The following KHDRBS2 variants were observed in gnomAD, a reference collection of about 807,000 sequenced individuals.
KHDRBS2 encodes KH RNA binding domain containing, signal transduction associated 2.
A neutral mutation model predicts 44.3 loss-of-function variants in KHDRBS2; 26 were observed. That is an observed-to-expected ratio of 0.59 (90% CI 0.43 to 0.81). The LOEUF (loss-of-function observed/expected upper bound fraction) is 0.81, where lower values mean the gene tolerates loss of function less well. Ranked by LOEUF, KHDRBS2 falls within the 40% of genes least tolerant of loss-of-function variation. The pLI is 0.00. For missense variants in KHDRBS2, 476 were observed against 433.1 expected (o/e 1.10, Z -0.88); for synonymous variants, 194 against 151.1 (o/e 1.28, Z -2.08).
intron 2 of KHDRBS2, among the ~76,000 whole-genome samples, chr6:62,120,883 C>T (rs879157999): frequency 6.6e-6 from 1 of 152,144 alleles, no homozygotes; most frequent in Non-Finnish European, 1.5e-5. Context: ...TTTTCCTATC[C>T]TTCCCCAACA....
intron 6 of KHDRBS2, among the ~76,000 whole-genome samples, chr6:61,881,868 G>A (rs1232416335): frequency 6.6e-6 from 1 of 152,052 alleles, no homozygotes; most frequent in Non-Finnish European, 1.5e-5. Context: ...TGGGGCACCA[G>A]TTACTATTTT....
chr6:61,909,872 T>A (rs1247470248), intron 4 of KHDRBS2, among the ~76,000 whole-genome samples: 4 of 152,168 alleles, frequency 2.6e-5, no homozygotes, highest in Non-Finnish European at 5.9e-5. Flanking sequence ...CCTGCCAAAT[T>A]CCTTCTTCTG....
At chr6:61,633,555 G>C in the KHDRBS2 span, among the ~76,000 whole-genome samples, 1 of 151,972 alleles carries the variant, frequency 6.6e-6, no homozygotes, top group African/African-American at 2.4e-5. Flanking sequence ...CATATCTACA[G>C]TAGCACTTTT....
chr6:61,648,218 G>A, the KHDRBS2 span, among the ~76,000 whole-genome samples: 1 of 151,910 alleles, frequency 6.6e-6, no homozygotes, highest in East Asian at 1.9e-4. Context: ...TATGGAACTA[G>A]GTGCCTTGCT....
chr6:62,029,605 T>C (rs182964128), intron 3 of KHDRBS2, among the ~76,000 whole-genome samples: 23 of 152,064 alleles, frequency 1.5e-4, no homozygotes, highest in African/African-American at 5.5e-4. Flanking sequence ...GCATATTTAT[T>C]CTCCATTACG....
chr6:62,187,789 T>C (rs1823746962), intron 1 of KHDRBS2, among the ~76,000 whole-genome samples: 1 of 151,992 alleles, frequency 6.6e-6, no homozygotes. Context: ...AAGTACACAA[T>C]GCTGTATTGT....
chr6:61,559,850 C>A, the KHDRBS2 span, among the ~76,000 whole-genome samples: 1 of 152,128 alleles, frequency 6.6e-6, no homozygotes, highest in Non-Finnish European at 1.5e-5. Context: ...AGTTTACATA[C>A]CACAATTTCA....
At chr6:61,845,518 C>A (rs1794274132) in intron 6 of KHDRBS2, among the ~76,000 whole-genome samples, 1 of 152,132 alleles carries the variant, frequency 6.6e-6, no homozygotes, top group South Asian at 2.1e-4. Flanking sequence ...CCCATGTTGG[C>A]CAGGATGGTC....
intron 6 of KHDRBS2, among the ~76,000 whole-genome samples, chr6:61,836,756 T>TTCAAGATGGA: frequency 6.6e-6 from 1 of 151,962 alleles, no homozygotes; most frequent in Admixed American, 6.6e-5. Flanking sequence ...TAGGTAGAAA[T>TTCAAGATGGA]ATACACACAT....
chr6:62,097,132 T>C (rs1194472239), intron 2 of KHDRBS2, among the ~76,000 whole-genome samples: 1 of 151,912 alleles, frequency 6.6e-6, no homozygotes, highest in Non-Finnish European at 1.5e-5. Context: ...TGTTGAGACT[T>C]ACTTTATGGT....
At chr6:61,666,763 A>G in the KHDRBS2 span, among the ~76,000 whole-genome samples, 1 of 151,444 alleles carries the variant, frequency 6.6e-6, no homozygotes, top group African/African-American at 2.4e-5. Context: ...ATTATTTGCC[A>G]TGTATTGCTT....
At chr6:62,241,851 T>C (rs780923657) in intron 1 of KHDRBS2, among the ~76,000 whole-genome samples, 6 of 152,102 alleles carry the variant, frequency 3.9e-5, no homozygotes, top group Non-Finnish European at 5.9e-5. Flanking sequence ...TATATGCATA[T>C]AGTCTGGCTC....
At chr6:61,660,777 C>A in the KHDRBS2 span, among the ~76,000 whole-genome samples, 9 of 151,796 alleles carry the variant, frequency 5.9e-5, no homozygotes, top group African/African-American at 2.2e-4. Context: ...AATTGAACTT[C>A]TCCTCTAATA....
At chr6:61,928,891 T>G (rs1189298565) in intron 4 of KHDRBS2, among the ~76,000 whole-genome samples, 1 of 152,124 alleles carries the variant, frequency 6.6e-6, no homozygotes, top group South Asian at 2.1e-4. Flanking sequence ...ACTATAAAAT[T>G]TATTTTCTTT....
chr6:61,684,890 A>G (rs191047901), intron 8 of KHDRBS2, among the ~76,000 whole-genome samples: 116 of 151,366 alleles, frequency 7.7e-4, no homozygotes, highest in African/African-American at 2.8e-3. Flanking sequence ...CATATATTAT[A>G]AGAAATATTA....
intron 2 of KHDRBS2, among the ~76,000 whole-genome samples, chr6:62,070,679 T>A (rs1373343130): frequency 6.6e-6 from 1 of 152,346 alleles, no homozygotes; most frequent in Non-Finnish European, 1.5e-5. Flanking sequence ...TCATCATTTT[T>A]TATGGCTGCA....
chr6:61,733,800 T>C (rs1774884189), intron 6 of KHDRBS2, among the ~76,000 whole-genome samples: 3 of 151,720 alleles, frequency 2.0e-5, no homozygotes. Context: ...GTTTTGTTTC[T>C]CTTTGTGGTC....
At chr6:61,838,573 A>C (rs1793088268) in intron 6 of KHDRBS2, among the ~76,000 whole-genome samples, 1 of 151,948 alleles carries the variant, frequency 6.6e-6, no homozygotes, top group South Asian at 2.1e-4. Flanking sequence ...TCTTCAACCT[A>C]TATATAGTCT....
rs531667431 is a variant in KHDRBS2 at position 62,260,333 on chromosome 6, T to C, written c.91+25525A>G. On this transcript the variant is annotated intron_variant, in intron 1 of 8. Coordinates refer to ENST00000281156, the MANE Select transcript of KHDRBS2 (RefSeq NM_152688.4). ...AAATCTTACAGATTAATGTAGATTG[T>C]GGTTCTTGATGGAAGGGTAGAATGA... 1.1e-4 allele frequency among the ~76,000 whole-genome samples: 16 copies of C among 152,126 alleles called. No homozygotes were observed. The South Asian group carries it at 2.7e-3, about 26-fold the overall frequency.
Sources: allele counts gnomAD v4.1 joint callset (sites outside exome capture counted in the v4.1 genomes callset), GRCh38; gene constraint gnomAD v4.1.1; transcripts MANE v1.5; gene names NCBI Gene and HGNC (gene_info 2026-07-23, HGNC 2026-07-21).